ZKSCAN3: variants seen among roughly 807,000 people sequenced by gnomAD.
ZKSCAN3 encodes zinc finger protein with KRAB and SCAN domains 3.
Under a neutral mutation model 30.7 loss-of-function variants are expected in ZKSCAN3, and 21 were observed. That is an observed-to-expected ratio of 0.68 (90% CI 0.49 to 0.99). The LOEUF (loss-of-function observed/expected upper bound fraction) is 0.99. Among genes scored for constraint, ZKSCAN3 ranks in the 50% least tolerant of loss-of-function variants. ZKSCAN3 has a pLI of 0.00. For missense variants in ZKSCAN3, 507 were observed against 647.1 expected (o/e 0.78, Z 2.35); for synonymous variants, 201 against 246.7 (o/e 0.81, Z 1.73).
intron 1 of ZKSCAN3, among the ~76,000 whole-genome samples, chr6:28,356,897 G>A (rs1368375722): frequency 6.6e-6 from 1 of 152,244 alleles, no homozygotes; most frequent in Non-Finnish European, 1.5e-5. Context: ...GGGGGCTGAA[G>A]ACCCACTCAC....
rs55924797 is a variant in ZKSCAN3, at chr6:28,366,302, CAG to C, written c.*20_*21del. The C allele has an allele frequency of 0.32, 479,295 of 1,506,690 alleles. 78,896 individuals carry two copies. Among genetic ancestry groups the C allele is most frequent in the African/African-American group, 0.5 (35,573 of 71,498 alleles). 93.3% of individuals were successfully genotyped at this position (1,506,690 alleles called of 1,614,324 possible). A position where few individuals can be genotyped will look rare whatever the true frequency, so the allele number is the denominator to read the frequency against. The stretch of plus-strand genomic sequence containing the variant: ...TCACAGTGACCCATGCCATACATGC[CAG>C]AGTTGGTGCTCATTTGTCACTGATC... On this transcript the variant is annotated 3_prime_UTR_variant, in exon 6 of 6. Coordinates refer to ENST00000252211, the MANE Select transcript of ZKSCAN3 (RefSeq NM_024493.4).
intron 1 of ZKSCAN3, among the ~76,000 whole-genome samples, chr6:28,358,899 G>GAAAA (rs201554097): frequency 2.8e-5 from 3 of 106,074 alleles, no homozygotes; most frequent in Admixed American, 1.0e-4. Context: ...AAACAAATAA[G>GAAAA]AAAAAAAAAA....
rs1395927220 is a variant in ZKSCAN3, at chr6:28,365,598, A to C, written c.930A>C (p.Gly310=). ...AAAGAAAGCAGAAAAATGCCACAGGAGGGAGGCGGCACATCTGCCATGAAT... is the reference window on the plus strand; with the variant it reads ...AAAGAAAGCAGAAAAATGCCACAGGCGGGAGGCGGCACATCTGCCATGAAT... ...RLQRKQKNAT[G]GRRHICHECG... The change falls in exon 6 of 6, where the codon GGA becomes GGC. Residue 310 remains glycine (G), a synonymous_variant. Coordinates refer to ENST00000252211, the MANE Select transcript of ZKSCAN3 (RefSeq NM_024493.4). 28 of 1,614,140 alleles carry C rather than the reference A, an allele frequency of 1.7e-5. No individual in the cohort carries two copies. The highest frequency in any genetic ancestry group is 2.4e-5 in the Non-Finnish European group (28 of 1,180,056).
rs1385868574 is a variant in ZKSCAN3 at position 28,351,054 on chromosome 6, T to G, written c.-63+987T>G. Among the ~76,000 whole-genome samples the G allele has an allele frequency of 6.6e-6, 1 of 152,200 alleles. No individual in the cohort carries two copies. Among genetic ancestry groups the G allele is most frequent in the Non-Finnish European group, 1.5e-5 (1 of 68,020 alleles). On this transcript the variant is annotated intron_variant, in intron 1 of 5. Transcript: ENST00000252211. The surrounding 1 kb of genome is among the most constrained non-coding windows in gnomAD (Gnocchi z 4.6). ...GAAACTGGCTTCATACTAACACCCTTCATTTCAACCCAACTTTTACAGGGT... is the reference window on the plus strand; with the variant it reads ...GAAACTGGCTTCATACTAACACCCTGCATTTCAACCCAACTTTTACAGGGT...
Position 28,367,997 on chromosome 6 carries a change from A to C in ZKSCAN3, c.*1712A>C. ...GGTGTGCTGCACCCATTAACTCGTC[A>C]TTTACATTGGGTGTATCTCCTAATG... On this transcript the variant is annotated 3_prime_UTR_variant, in exon 6 of 6. Coordinates refer to ENST00000252211, the MANE Select transcript of ZKSCAN3 (RefSeq NM_024493.4). The C allele has an allele frequency of 6.7e-6, 1 of 150,326 alleles. No homozygotes were observed. 9.3% of individuals were successfully genotyped at this position (150,326 alleles called of 1,614,324 possible). A position where few individuals can be genotyped will look rare whatever the true frequency, so the allele number is the denominator to read the frequency against.
rs555931931 is a variant in ZKSCAN3 at position 28,361,824 on chromosome 6, C to A, written c.550+353C>A. ...GTGCAGTGGCACTCCACTTCCTGGGCTCAAGCAGCCTCCACTTCCTGGGCT... is the reference window on the plus strand; with the variant it reads ...GTGCAGTGGCACTCCACTTCCTGGGATCAAGCAGCCTCCACTTCCTGGGCT... On this transcript the variant is annotated intron_variant, in intron 3 of 5. Coordinates refer to ENST00000252211, the MANE Select transcript of ZKSCAN3 (RefSeq NM_024493.4). 7.4e-4 allele frequency among the ~76,000 whole-genome samples: 113 copies of A among 151,738 alleles called. 1 individual carries two copies. Among genetic ancestry groups the A allele is most frequent in the African/African-American group, 2.1e-3 (87 of 41,394 alleles).
At chr6:28,360,805 A>AT (rs1765725585) in intron 2 of ZKSCAN3, 1 of 960,678 alleles carries the variant, frequency 1.0e-6, no homozygotes, top group Admixed American at 6.2e-5. Flanking sequence ...TGAGCTGCAC[A>AT]TGAGAAAGTA....
chr6:28,365,932 G>A lies in ZKSCAN3; in HGVS notation c.1264G>A (p.Gly422Arg), dbSNP rs1028495454. 20 of 1,613,780 alleles carry A rather than the reference G, an allele frequency of 1.2e-5. No individual in the cohort carries two copies. The African/African-American group carries it at 2.0e-4, about 16-fold the overall frequency. The change falls in exon 6 of 6, where the codon GGG becomes AGG. Residue 422 changes from glycine to arginine, a missense_variant. Transcript: ENST00000252211. Reference protein sequence around the residue: ...SLLEHHRIHTGEKPYQCSMCG... With the variant: ...SLLEHHRIHTREKPYQCSMCG... ...CCTTGAACATCACAGAATCCACACT[G>A]GGGAGAAGCCGTATCAGTGCAGTAT...
chr6:28,365,284 C>T, intron 5 of ZKSCAN3, 142 bp from the exon 6 acceptor site: 3 of 1,255,396 alleles, frequency 2.4e-6, no homozygotes, highest in South Asian at 1.5e-5. Context: ...CTGTTCTCCC[C>T]TTTTATTCCC....
At chr6:28,354,224 G>T in intron 1 of ZKSCAN3, 1 of 304,252 alleles carries the variant, frequency 3.3e-6, no homozygotes, top group Non-Finnish European at 6.6e-6. Flanking sequence ...AGTGTCAGCA[G>T]GGCAATTATA....
At chr6:28,353,578 GTA>G (rs1765206119) in intron 1 of ZKSCAN3, 1 of 268,648 alleles carries the variant, frequency 3.7e-6, no homozygotes, top group African/African-American at 2.2e-5. Flanking sequence ...TGAGGAAGGA[GTA>G]GATTAGGAAG....
rs1259898237 is a variant in ZKSCAN3 at position 28,359,717 on chromosome 6, G to A, written c.131G>A (p.Gly44Asp). 3 of 1,614,116 alleles carry A rather than the reference G, an allele frequency of 1.9e-6. No homozygotes were observed. The highest frequency in any genetic ancestry group is 4.5e-5 in the East Asian group (2 of 44,894). The change falls in exon 2 of 6, where the codon GGC (glycine) becomes GAC (aspartate). Residue 44 changes from glycine (G) to aspartate (D), a missense_variant. Transcript: ENST00000252211. ...FPSSPDLGSE[G>D]SRERFRGFRY... ...AGTAGCCCAGATCTGGGTTCTGAGG[G>A]CTCCCGCGAGCGCTTCCGAGGCTTC...
In ZKSCAN3 at chr6:28,359,613, AGCCCTGGAT is replaced by A; in HGVS notation, c.32_40del (p.Leu11_Ala13del). ...TGGCTAGAGAATTAAGTGAAAGCACAGCCCTGGATGCCCAGTCTACAGAAGACCAGATGG... is the reference window on the plus strand; with the variant it reads ...TGGCTAGAGAATTAAGTGAAAGCACAGCCCAGTCTACAGAAGACCAGATGG... On this transcript the variant is annotated inframe_deletion, in exon 2 of 6. Transcript: ENST00000252211. 2 of 1,614,198 alleles carry A rather than the reference AGCCCTGGAT, an allele frequency of 1.2e-6. No homozygotes were observed. Among genetic ancestry groups the A allele is most frequent in the Non-Finnish European group, 1.7e-6 (2 of 1,180,008 alleles).
At chr6:28,358,252 A>T (rs551704543) in intron 1 of ZKSCAN3, among the ~76,000 whole-genome samples, 2 of 152,316 alleles carry the variant, frequency 1.3e-5, no homozygotes, top group East Asian at 3.9e-4. Flanking sequence ...AGGCACAATC[A>T]TAGCTTACTG....
At chr6:28,357,292 T>C (rs1581729059) in intron 1 of ZKSCAN3, among the ~76,000 whole-genome samples, 1 of 152,236 alleles carries the variant, frequency 6.6e-6, no homozygotes, top group African/African-American at 2.4e-5. Context: ...TACACTCACT[T>C]ACTTAATGCT....
In ZKSCAN3 at chr6:28,363,696, T is replaced by C; in HGVS notation, c.638T>C (p.Leu213Ser). Residue 213 changes from leucine (L) to serine (S), a missense_variant, in exon 5 of 6, where the codon TTG becomes TCG. By Grantham distance (145) the Leu-to-Ser change is moderately radical. Coordinates refer to ENST00000252211, the MANE Select transcript of ZKSCAN3 (RefSeq NM_024493.4). ...TGGGATTACCTATTGTTTTAGGGGT[T>C]GTTGAAAGTGGAAGATGTGGCCCTG... ...ASRLTPESQG[L>S]LKVEDVALTL... 6.2e-7 allele frequency: 1 copy of C among 1,614,038 alleles called. No homozygotes were observed. Among genetic ancestry groups the C allele is most frequent in the East Asian group, 2.2e-5 (1 of 44,864 alleles).
Position 28,366,153 on chromosome 6 carries a change from C to T in ZKSCAN3, c.1485C>T (p.Leu495=), listed in dbSNP as rs772139883. 6.2e-7 allele frequency: 1 copy of T among 1,602,084 alleles called. No individual in the cohort carries two copies. The highest frequency in any genetic ancestry group is 1.1e-5 in the South Asian group (1 of 89,234). ...CERSFTQNTG[L]IEHQKIHTGE... ...GAAGTTTCACTCAGAATACAGGCCT[C>T]ATTGAACATCAAAAAATCCACACTG... Residue 495 remains leucine, a synonymous_variant, in exon 6 of 6, where the codon CTC becomes CTT. Coordinates refer to ENST00000252211, the MANE Select transcript of ZKSCAN3 (RefSeq NM_024493.4).
intron 5 of ZKSCAN3, among the ~76,000 whole-genome samples, chr6:28,364,888 C>T (rs1389160035): frequency 6.6e-6 from 1 of 151,988 alleles, no homozygotes; most frequent in East Asian, 1.9e-4. Context: ...CCACCATGCC[C>T]GGCTAATTTT....
rs115829991 is a variant in ZKSCAN3, at chr6:28,351,600, C to T, written c.-63+1533C>T. ...TCATTTTCTTTCATTCTTCTTTTCCCTCCTTTCCACTCTCTTTCCTTCCCT... is the reference window on the plus strand; with the variant it reads ...TCATTTTCTTTCATTCTTCTTTTCCTTCCTTTCCACTCTCTTTCCTTCCCT... On this transcript the variant is annotated intron_variant, in intron 1 of 5. Coordinates refer to ENST00000252211, the MANE Select transcript of ZKSCAN3 (RefSeq NM_024493.4). The surrounding 1 kb of genome is among the most constrained non-coding windows in gnomAD (Gnocchi z 4.6). Among the ~76,000 whole-genome samples, 424 of 151,940 alleles carry T rather than the reference C, an allele frequency of 2.8e-3. 3 individuals carry two copies. The highest frequency in any genetic ancestry group is 9.6e-3 in the African/African-American group (396 of 41,426).
Sources: gnomAD v4.1 joint callset for allele counts (sites outside exome capture counted in the v4.1 genomes callset) on GRCh38, gnomAD v4.1.1 for gene constraint, Gnocchi (gnomAD v3.1) non-coding constraint, MANE v1.5 for transcripts, NCBI Gene and HGNC (gene_info 2026-07-23, HGNC 2026-07-21) for gene names.